The following RNF10 variants were observed in gnomAD, a reference collection of about 807,000 sequenced individuals.
The protein encoded by RNF10 is E3 ubiquitin-protein ligase RNF10.
RNF10 carries 38 observed loss-of-function variants against 91.4 expected under a neutral mutation model. The observed-to-expected ratio is 0.42, with a 90% confidence interval of 0.32 to 0.54. The LOEUF (loss-of-function observed/expected upper bound fraction) is 0.54. Ranked by LOEUF, RNF10 falls within the 20% of genes least tolerant of loss-of-function variation. The pLI, the probability that RNF10 is intolerant of heterozygous loss-of-function variation, is 0.16. For synonymous variants in RNF10, 364 were observed against 366.3 expected (o/e 0.99, Z 0.07); for missense variants, 945 against 1,012.0 (o/e 0.93, Z 0.90).
rs1399797811 is a variant in RNF10, at chr12:120,534,618, C to T, written c.-194C>T. On this transcript the variant is annotated 5_prime_UTR_variant, in exon 1 of 17. Transcript: ENST00000325954. ...CCTCCTCGTCCTCGGTCGCCGCTGCCGCCGGGCTTAACAGCCCCGTCCGCC... is the reference window on the plus strand; with the variant it reads ...CCTCCTCGTCCTCGGTCGCCGCTGCTGCCGGGCTTAACAGCCCCGTCCGCC... 1.6e-6 allele frequency: 2 copies of T among 1,280,960 alleles called. No individual in the cohort carries two copies. Among genetic ancestry groups the T allele is most frequent in the South Asian group, 2.2e-5 (1 of 45,144 alleles). The allele number at this position is 1,280,960 out of a possible 1,614,324, so 79.3% of individuals were successfully genotyped here.
At position 120,576,790 on chromosome 12, in the gene RNF10, G is replaced by A; in HGVS notation, c.*124G>A. 7.3e-7 allele frequency: 1 copy of A among 1,368,976 alleles called. No individual in the cohort carries two copies. Among genetic ancestry groups the A allele is most frequent in the Non-Finnish European group, 9.9e-7 (1 of 1,010,836 alleles). 84.8% of individuals were successfully genotyped at this position (1,368,976 alleles called of 1,614,324 possible). On this transcript the variant is annotated 3_prime_UTR_variant, in exon 17 of 17. Coordinates refer to ENST00000325954, the MANE Select transcript of RNF10 (RefSeq NM_014868.5). ...TTGAACAGATTAGCTCTGGGGGGAG[G>A]GGGTTTCCACAATGTGAGGGGGAAC...
rs1870415937 is a variant in RNF10 at position 120,534,441 on chromosome 12, C to T, written c.-371C>T. 1 of 197,972 alleles carries T rather than the reference C, an allele frequency of 5.1e-6. No individual in the cohort carries two copies. Among genetic ancestry groups the T allele is most frequent in the Non-Finnish European group, 1.0e-5 (1 of 98,218 alleles). 12.3% of individuals were successfully genotyped at this position (197,972 alleles called of 1,614,324 possible). A position where few individuals can be genotyped will look rare whatever the true frequency, so the allele number is the denominator to read the frequency against. On this transcript the variant is annotated 5_prime_UTR_variant, in exon 1 of 17. Coordinates refer to ENST00000325954, the MANE Select transcript of RNF10 (RefSeq NM_014868.5). ...CCGTTGCTGTGTCGGAGACACTAGT[C>T]CCCGACACCGAGACAGCCAGCCCTC...
At chr12:120,573,903 C>G (rs558798087) in intron 14 of RNF10, among the ~76,000 whole-genome samples, 1 of 152,316 alleles carries the variant, frequency 6.6e-6, no homozygotes, top group South Asian at 2.1e-4. Flanking sequence ...TTGTCAAACA[C>G]ACATGTACTG....
intron 4 of RNF10, among the ~76,000 whole-genome samples, chr12:120,555,825 G>A (rs1873911074): frequency 6.8e-6 from 1 of 147,932 alleles, no homozygotes; most frequent in Admixed American, 6.8e-5. Flanking sequence ...GTCTTGCTCT[G>A]TCGCCCCAGC....
At chr12:120,557,153 T>A in intron 4 of RNF10, 129 bp from the exon 5 acceptor site, 2 of 756,316 alleles carry the variant, frequency 2.6e-6, no homozygotes, top group South Asian at 3.6e-5. Flanking sequence ...TAGAAAGATA[T>A]GTTGAGTATA....
At chr12:120,545,436 C>T (rs7962410) in intron 1 of RNF10, among the ~76,000 whole-genome samples, 23,246 of 151,572 alleles carry the variant, frequency 0.15, 2,176 homozygotes, top group African/African-American at 0.27. Flanking sequence ...TCGTGATCCG[C>T]CCACCTCGGC....
intron 8 of RNF10, 68 bp downstream of exon 8, chr12:120,563,138 C>G (rs752727743): frequency 1.2e-6 from 2 of 1,601,412 alleles, no homozygotes; most frequent in Non-Finnish European, 1.7e-6. Context: ...GTAGGCATTA[C>G]TGTGAGATCT....
chr12:120,563,079 G>C lies in RNF10; in HGVS notation c.1254+9G>C. Reference sequence around the variant, plus strand: ...TTTTTCAACCCAGGAAGGTTAGTGTGTTCCTGTTACTAAGTGGCTGCCGTT... The same window carrying C: ...TTTTTCAACCCAGGAAGGTTAGTGTCTTCCTGTTACTAAGTGGCTGCCGTT... On this transcript the variant is annotated intron_variant, in intron 8 of 16. Coordinates refer to ENST00000325954, the MANE Select transcript of RNF10 (RefSeq NM_014868.5). The C allele has an allele frequency of 1.2e-6, 2 of 1,614,040 alleles. No individual in the cohort carries two copies. The highest frequency in any genetic ancestry group is 8.5e-7 in the Non-Finnish European group (1 of 1,179,970).
chr12:120,541,142 C>T (rs1466861656), intron 1 of RNF10, among the ~76,000 whole-genome samples: 2 of 152,204 alleles, frequency 1.3e-5, no homozygotes, highest in Non-Finnish European at 2.9e-5. Flanking sequence ...TAGGCATGAG[C>T]CACCGTGTCT....
At chr12:120,542,362 C>G (rs751787672) in intron 1 of RNF10, among the ~76,000 whole-genome samples, 26 of 152,108 alleles carry the variant, frequency 1.7e-4, no homozygotes, top group Non-Finnish European at 3.1e-4. Flanking sequence ...CTATGTTGCC[C>G]AGGCTGGTCG....
At chr12:120,576,424 CAA>C (rs1877400056) in intron 16 of RNF10, among the ~76,000 whole-genome samples, 164 bp from the exon 17 acceptor site, 1 of 152,192 alleles carries the variant, frequency 6.6e-6, no homozygotes, top group African/African-American at 2.4e-5. Context: ...GTGATTTGCC[CAA>C]AGACACCCAC....
chr12:120,534,830 A>G lies in RNF10; in HGVS notation c.19A>G (p.Asn7Asp). Residue 7 changes from asparagine (N) to aspartate (D), a missense_variant, in exon 1 of 17, where the codon AAC becomes GAC. Asn to Asp is a conservative substitution (Grantham distance 23, BLOSUM62 1). Coordinates refer to ENST00000325954, the MANE Select transcript of RNF10 (RefSeq NM_014868.5). ...CCCGTTGATGCCGCTGAGCTCCCCC[A>G]ACGCCGCCGCCACCGCCTCCGACAT... is the stretch of plus-strand genomic sequence containing the variant. MPLSSPNAAATASDMDK... is the reference protein window; with the variant it reads MPLSSPDAAATASDMDK... The G allele has an allele frequency of 6.3e-7, 1 of 1,593,784 alleles. No individual in the cohort carries two copies. Among genetic ancestry groups the G allele is most frequent in the African/African-American group, 1.3e-5 (1 of 74,442 alleles).
intron 4 of RNF10, among the ~76,000 whole-genome samples, chr12:120,556,221 G>A (rs1873977010): frequency 2.6e-5 from 4 of 152,012 alleles, no homozygotes; most frequent in African/African-American, 9.7e-5. Flanking sequence ...TTCTTTATGA[G>A]CAGGGGCTTT....
Position 120,549,926 on chromosome 12 carries a change from G to C in RNF10, c.355-2573G>C, listed in dbSNP as rs548509857. Among the ~76,000 whole-genome samples the C allele has an allele frequency of 3.3e-5, 5 of 152,268 alleles. No individual in the cohort carries two copies. In the South Asian group the frequency reaches 1.0e-3, roughly 32 times the overall value. On this transcript the variant is annotated intron_variant, in intron 2 of 16. Transcript: ENST00000325954. The stretch of plus-strand genomic sequence containing the variant: ...TGGGGGTAAAGAATTGTTGGAGTCA[G>C]GACTAAACCTGGGGAAGGAGTGTAT...
At chr12:120,541,331 T>C (rs1241732855) in intron 1 of RNF10, among the ~76,000 whole-genome samples, 1 of 152,166 alleles carries the variant, frequency 6.6e-6, no homozygotes, top group Non-Finnish European at 1.5e-5. Context: ...TATATACCTA[T>C]CCTCGTAGAA....
intron 6 of RNF10, among the ~76,000 whole-genome samples, chr12:120,558,679 G>A (rs929328553): frequency 2.0e-5 from 3 of 149,346 alleles, no homozygotes; most frequent in African/African-American, 7.4e-5. Flanking sequence ...AGCGATTCTC[G>A]TGCCTCAGCC....
At chr12:120,538,678 C>T (rs751988016) in intron 1 of RNF10, among the ~76,000 whole-genome samples, 3 of 152,060 alleles carry the variant, frequency 2.0e-5, no homozygotes, top group South Asian at 2.1e-4. Flanking sequence ...GAAGGTAGGC[C>T]GTTTATGGGC....
At chr12:120,548,379 A>G (rs1872598002) in intron 2 of RNF10, among the ~76,000 whole-genome samples, 1 of 152,146 alleles carries the variant, frequency 6.6e-6, no homozygotes, top group African/African-American at 2.4e-5. Context: ...CTGAGTCTGG[A>G]TAAGAAACCA....
intron 13 of RNF10, 46 bp downstream of exon 13, chr12:120,567,026 T>C (rs779883738): frequency 5.7e-6 from 9 of 1,567,898 alleles, no homozygotes; most frequent in African/African-American, 1.4e-5. Context: ...TTAGACCTTA[T>C]GCAAAGCTTT....
Sources: allele counts gnomAD v4.1 joint callset (sites outside exome capture counted in the v4.1 genomes callset), GRCh38; gene constraint gnomAD v4.1.1; transcripts MANE v1.5; gene names NCBI Gene and HGNC (gene_info 2026-07-23, HGNC 2026-07-21).